Variants in NAV2 observed in about 807,000 individuals in gnomAD.
NAV2 encodes neuron navigator 2.
NAV2 carries 54 observed loss-of-function variants against 223.2 expected under a neutral mutation model. The observed-to-expected ratio is 0.24, with a 90% CI of 0.19 to 0.30. The LOEUF is 0.30. Among genes scored for constraint, NAV2 ranks in the 10% least tolerant of loss-of-function variants. The pLI, the probability that NAV2 is intolerant of heterozygous loss-of-function variation, is 1.00. For missense variants in NAV2, 2,806 were observed against 3,147.5 expected, an observed-to-expected ratio of 0.89 and a Z score of 2.60; for synonymous variants, 1,279 against 1,239.3, an observed-to-expected ratio of 1.03 and a Z score of -0.67.
intron 6 of NAV2, among the ~76,000 whole-genome samples, chr11:19,906,852 G>A (rs2042905211): frequency 1.3e-5 from 2 of 152,186 alleles, no homozygotes; most frequent in South Asian, 2.1e-4. Context: ...CCAGCCTTTG[G>A]GATTCTTGGT....
chr11:19,648,223 T>G (rs1256082750), intron 1 of NAV2, among the ~76,000 whole-genome samples: 1 of 152,250 alleles, frequency 6.6e-6, no homozygotes, highest in Non-Finnish European at 1.5e-5. Flanking sequence ...TCTTTCCTAC[T>G]GTCTATGCTC....
chr11:20,100,748 G>T (rs551402091), intron 31 of NAV2, among the ~76,000 whole-genome samples, 189 bp from the exon 32 acceptor site: 1 of 152,272 alleles, frequency 6.6e-6, no homozygotes, highest in Non-Finnish European at 1.5e-5. Flanking sequence ...TTGATGAACA[G>T]GGAGGTGACT....
intron 1 of NAV2, among the ~76,000 whole-genome samples, chr11:19,514,028 A>G (rs2043362230): frequency 6.6e-6 from 1 of 152,208 alleles, no homozygotes; most frequent in Admixed American, 6.5e-5. Flanking sequence ...TGTTCCTTTA[A>G]GCCACCCAGT....
At chr11:19,936,444 C>A (rs1212947393) in intron 7 of NAV2, among the ~76,000 whole-genome samples, 1 of 152,046 alleles carries the variant, frequency 6.6e-6, no homozygotes, top group Non-Finnish European at 1.5e-5. Context: ...TGATAAAAAG[C>A]AAATGTCTGA....
At chr11:19,535,438 G>A (rs906155244) in intron 1 of NAV2, among the ~76,000 whole-genome samples, 10 of 152,150 alleles carry the variant, frequency 6.6e-5, no homozygotes, top group African/African-American at 2.4e-4. Flanking sequence ...CACAGCCTTT[G>A]CACCTGGGAA....
chr11:19,765,367 A>C, intron 1 of NAV2, among the ~76,000 whole-genome samples: 30 of 112,218 alleles, frequency 2.7e-4, no homozygotes, highest in African/African-American at 5.1e-4. Context: ...TGTCCTCCTC[A>C]TCTTCCCTTC....
At chr11:19,356,277 G>C (rs1853610991) in intron 1 of NAV2, among the ~76,000 whole-genome samples, 1 of 152,174 alleles carries the variant, frequency 6.6e-6, no homozygotes, top group African/African-American at 2.4e-5. Flanking sequence ...TAGGGTCAGG[G>C]GGGAGGATGG....
At chr11:19,970,638 G>C (rs1014121452) in intron 10 of NAV2, among the ~76,000 whole-genome samples, 2 of 152,080 alleles carry the variant, frequency 1.3e-5, no homozygotes, top group African/African-American at 4.8e-5. Flanking sequence ...TTGGGTGAAG[G>C]CTGGAGCACA....
chr11:19,819,524 G>C (rs2059269477), intron 1 of NAV2, among the ~76,000 whole-genome samples: 1 of 152,206 alleles, frequency 6.6e-6, no homozygotes, highest in African/African-American at 2.4e-5. Flanking sequence ...GTTCTGCTAA[G>C]TGGAGGGGAC....
At chr11:19,726,004 G>A (rs569498819) in intron 1 of NAV2, among the ~76,000 whole-genome samples, 17 of 152,232 alleles carry the variant, frequency 1.1e-4, no homozygotes, top group South Asian at 8.3e-4. Context: ...GCTTCTAATC[G>A]ACCTCTGCCT....
chr11:19,544,850 A>T (rs12292618), intron 1 of NAV2, among the ~76,000 whole-genome samples: 2,968 of 152,326 alleles, frequency 0.019, 92 homozygotes, highest in African/African-American at 0.066. Context: ...ACTGTCTGTC[A>T]GCCTAATTTC....
intron 1 of NAV2, among the ~76,000 whole-genome samples, chr11:19,523,210 C>T (rs2043728479): frequency 6.6e-6 from 1 of 152,240 alleles, no homozygotes; most frequent in African/African-American, 2.4e-5. Context: ...TCCACACGAA[C>T]TCCCTTCTCC....
chr11:19,651,519 G>A (rs2047967578), intron 1 of NAV2, among the ~76,000 whole-genome samples: 1 of 152,212 alleles, frequency 6.6e-6, no homozygotes, highest in Non-Finnish European at 1.5e-5. Flanking sequence ...CCACATCAGT[G>A]AGTGGTCAGA....
At chr11:19,890,405 C>T (rs760389393) in intron 5 of NAV2, among the ~76,000 whole-genome samples, 4 of 152,230 alleles carry the variant, frequency 2.6e-5, no homozygotes, top group Non-Finnish European at 4.4e-5. Context: ...AGGGTCAGCA[C>T]AGCAGGGGCT....
At chr11:19,862,902 G>C (rs1021686571) in intron 3 of NAV2, among the ~76,000 whole-genome samples, 1 of 152,156 alleles carries the variant, frequency 6.6e-6, no homozygotes, top group Non-Finnish European at 1.5e-5. Context: ...TTTTTGGTTT[G>C]GTTTCATAGT....
chr11:19,678,402 C>G (rs1164874269), intron 1 of NAV2, among the ~76,000 whole-genome samples: 1 of 152,160 alleles, frequency 6.6e-6, no homozygotes, highest in Admixed American at 6.5e-5. Flanking sequence ...GGAGCCCATG[C>G]CTGTCATCTC....
chr11:19,748,408 G>C (rs2053546743), intron 1 of NAV2, among the ~76,000 whole-genome samples: 1 of 152,204 alleles, frequency 6.6e-6, no homozygotes, highest in South Asian at 2.1e-4. Context: ...AATGTAGCCA[G>C]GCCACTGGAA....
At chr11:19,879,087 C>T (rs536390759) in intron 4 of NAV2, among the ~76,000 whole-genome samples, 8 of 152,300 alleles carry the variant, frequency 5.3e-5, no homozygotes, top group Admixed American at 2.0e-4. Context: ...CTGCATCTAG[C>T]GTTAACTGCA....
In NAV2 at chr11:20,093,164, G is replaced by A; in HGVS notation, c.5881G>A (p.Val1961Ile). Residue 1961 changes from valine to isoleucine, a missense_variant, in exon 29 of 38, where the codon GTT becomes ATT. By Grantham distance (29) the Val-to-Ile change is conservative. This residue lies in a region of NAV2 where 824 missense variants were observed against 1,069.4 expected (regional missense o/e 0.77). Transcript: ENST00000349880. ...RKEGGRHVKI[V>I]VSFQEEMKWK... ...GGAAGGAGGCAGGCATGTTAAGATA[G>A]TTGTCAGCTTTCAGGAGGAAATGAA... The A allele has an allele frequency of 6.2e-7, 1 of 1,614,096 alleles. No individual in the cohort carries two copies. The highest frequency in any genetic ancestry group is 1.1e-5 in the South Asian group (1 of 91,070).
Sources: gnomAD v4.1 joint callset for allele counts (sites outside exome capture counted in the v4.1 genomes callset) on GRCh38, gnomAD v4.1.1 for gene constraint, gnomAD v4.1.1 regional missense constraint, MANE v1.5 for transcripts, NCBI Gene and HGNC (gene_info 2026-07-23, HGNC 2026-07-21) for gene names.